DGKH: variants seen among roughly 807,000 people sequenced by gnomAD.
The protein encoded by DGKH is diacylglycerol kinase eta, also known as DAG kinase eta.
A neutral mutation model predicts 159.3 loss-of-function variants in DGKH; 90 were observed. The observed-to-expected ratio is 0.57, with a 90% CI of 0.48 to 0.67. The LOEUF (loss-of-function observed/expected upper bound fraction) is 0.67. Among genes scored for constraint, DGKH ranks in the 30% least tolerant of loss-of-function variants. The pLI, the probability that DGKH is intolerant of heterozygous loss-of-function variation, is 0.00. For missense variants in DGKH, 1,181 were observed against 1,506.1 expected (o/e 0.78, Z 3.57); for synonymous variants, 536 against 553.8 (o/e 0.97, Z 0.45).
intron 1 of DGKH, among the ~76,000 whole-genome samples, chr13:42,119,983 G>T (rs1955037216): frequency 6.6e-6 from 1 of 152,008 alleles, no homozygotes; most frequent in Non-Finnish European, 1.5e-5. Context: ...TTCTACTGTG[G>T]TTATATTTTC....
At chr13:42,195,163 C>A (rs1957175046) in intron 17 of DGKH, 147 bp downstream of exon 17, 3 of 1,140,080 alleles carry the variant, frequency 2.6e-6, no homozygotes, top group African/African-American at 3.2e-5. Flanking sequence ...AGAATCCAGG[C>A]CCTTAGATTC....
At chr13:42,159,931 G>A in intron 6 of DGKH, 80 bp from the exon 7 acceptor site, 4 of 1,604,130 alleles carry the variant, frequency 2.5e-6, no homozygotes, top group Non-Finnish European at 3.4e-6. Flanking sequence ...TCTAGAGTGA[G>A]AAATGATTCA....
chr13:42,045,846 C>G (rs1880767032), upstream of DGKH, among the ~76,000 whole-genome samples: 1 of 152,166 alleles, frequency 6.6e-6, no homozygotes, highest in South Asian at 2.1e-4. Flanking sequence ...GGGTATAAAA[C>G]CCCTTTTGTT....
intron 28 of DGKH, 120 bp from the exon 29 acceptor site, chr13:42,221,144 A>G (rs1957960303): frequency 7.6e-7 from 1 of 1,319,352 alleles, no homozygotes; most frequent in Non-Finnish European, 1.0e-6. Context: ...CAACACCTTT[A>G]ACCTTTTCTT....
In DGKH at chr13:42,181,205, A is replaced by T. The variant is rs371776060; in HGVS notation, c.1538+2985A>T. On this transcript the variant is annotated intron_variant, in intron 13 of 29. Coordinates refer to ENST00000337343, the MANE Select transcript of DGKH (RefSeq NM_178009.5). ...GGCAGGAGAATGGCGTGAACCCGGGAGGCGGAGCTTGCAGTGAGCGGAGAT... is the reference window on the plus strand; with the variant it reads ...GGCAGGAGAATGGCGTGAACCCGGGTGGCGGAGCTTGCAGTGAGCGGAGAT... Among the ~76,000 whole-genome samples the T allele has an allele frequency of 1.9e-4, 26 of 136,528 alleles. No individual in the cohort carries two copies. The East Asian group carries it at 6.3e-3, about 33-fold the overall frequency. 89.6% of individuals were successfully genotyped at this position (136,528 alleles called of 152,430 possible). A position where few individuals can be genotyped will look rare whatever the true frequency, so the allele number is the denominator to read the frequency against.
At chr13:42,210,092 G>A (rs756640341) in intron 23 of DGKH, among the ~76,000 whole-genome samples, 2 of 144,668 alleles carry the variant, frequency 1.4e-5, no homozygotes, top group Non-Finnish European at 3.0e-5. Context: ...GCTAATATTT[G>A]CCCATCTAGT....
At chr13:42,244,052 G>GA (rs1273775690), downstream of DGKH, among the ~76,000 whole-genome samples, 1 of 121,358 alleles carries the variant, frequency 8.2e-6, no homozygotes, top group African/African-American at 3.5e-5. Flanking sequence ...GTGGATGGAT[G>GA]AGGGGAGAGA....
chr13:42,177,760 T>C (rs537048415), intron 12 of DGKH, among the ~76,000 whole-genome samples: 1 of 152,308 alleles, frequency 6.6e-6, no homozygotes, highest in Middle Eastern at 3.4e-3. Flanking sequence ...GGATATGTTT[T>C]CATCGGTTTA....
intron 11 of DGKH, among the ~76,000 whole-genome samples, chr13:42,172,368 T>C (rs983093270): frequency 6.6e-6 from 1 of 152,230 alleles, no homozygotes; most frequent in Non-Finnish European, 1.5e-5. Context: ...TCTGCCCGCC[T>C]CAGCCTCCCA....
upstream of DGKH, among the ~76,000 whole-genome samples, chr13:42,048,154 C>G (rs1359291610): frequency 6.6e-6 from 1 of 152,026 alleles, no homozygotes; most frequent in African/African-American, 2.4e-5. The surrounding 1 kb of genome is among the most constrained non-coding windows in gnomAD (Gnocchi z 6.7). Flanking sequence ...GGGGCAGCCC[C>G]CGACTGTCTT....
chr13:42,142,335 C>T (rs914988036), intron 3 of DGKH, among the ~76,000 whole-genome samples: 6 of 151,956 alleles, frequency 3.9e-5, no homozygotes, highest in African/African-American at 1.4e-4. Context: ...AGCGTGATGC[C>T]TCCAGCTTTG....
At chr13:42,085,241 A>G (rs1461771774) in intron 1 of DGKH, among the ~76,000 whole-genome samples, 4 of 152,182 alleles carry the variant, frequency 2.6e-5, no homozygotes, top group African/African-American at 9.6e-5. Context: ...TATGTAAATC[A>G]TAATTAATGT....
Position 42,165,286 on chromosome 13 carries a change from A to G in DGKH, c.856-45A>G, listed in dbSNP as rs560151754. On this transcript the variant is annotated intron_variant, in intron 7 of 29. Transcript: ENST00000337343. ...CCTTAGATGTGATTTATAATGGCAGAACATTATTTTTATGATTCTTGAAGG... is the reference window on the plus strand; with the variant it reads ...CCTTAGATGTGATTTATAATGGCAGGACATTATTTTTATGATTCTTGAAGG... 2.0e-5 allele frequency: 21 copies of G among 1,065,258 alleles called. No homozygotes were observed. In the South Asian group the frequency reaches 3.7e-4, roughly 19 times the overall value. 66.0% of individuals were successfully genotyped at this position (1,065,258 alleles called of 1,614,324 possible).
At position 42,189,208 on chromosome 13, in the gene DGKH, C is replaced by A; in HGVS notation, c.1811C>A (p.Thr604Lys). ...ESKEQLGDDV[T>K]KPSSQKAVKP... ...AAAGAGCAGCTTGGGGATGACGTTACAAAACCTTCCTCCCAGAAAGCCGTC... is the reference window on the plus strand; with the variant it reads ...AAAGAGCAGCTTGGGGATGACGTTAAAAAACCTTCCTCCCAGAAAGCCGTC... Residue 604 changes from threonine (T) to lysine (K), a missense_variant, in exon 15 of 30, where the codon ACA (threonine) becomes AAA (lysine). Thr to Lys is a moderately conservative substitution (Grantham distance 78). This residue lies in a region of DGKH where 257 missense variants were observed against 281.5 expected (regional missense o/e 0.91). Transcript: ENST00000337343. 1 of 1,614,194 alleles carries A rather than the reference C, an allele frequency of 6.2e-7. No individual in the cohort carries two copies. Among genetic ancestry groups the A allele is most frequent in the Non-Finnish European group, 8.5e-7 (1 of 1,180,038 alleles).
At chr13:42,208,911 C>G in intron 21 of DGKH, 48 bp from the exon 22 acceptor site, 1 of 1,304,102 alleles carries the variant, frequency 7.7e-7, no homozygotes, top group Non-Finnish European at 1.1e-6. Context: ...GCTTAACGTG[C>G]TCTTCACCTA....
intron 1 of DGKH, among the ~76,000 whole-genome samples, chr13:42,110,123 A>G (rs1954833942): frequency 6.6e-6 from 1 of 152,176 alleles, no homozygotes; most frequent in Non-Finnish European, 1.5e-5. Flanking sequence ...ATTCCAGAAA[A>G]TAAGCAGATC....
chr13:42,215,397 T>C (rs1445282885), intron 25 of DGKH, among the ~76,000 whole-genome samples, 178 bp from the exon 26 acceptor site: 3 of 152,166 alleles, frequency 2.0e-5, no homozygotes, highest in Admixed American at 2.0e-4. Context: ...TGTTCTGTAA[T>C]ATAATAATAA....
intron 1 of DGKH, among the ~76,000 whole-genome samples, chr13:42,090,873 A>G (rs1156619759): frequency 6.6e-6 from 1 of 152,046 alleles, no homozygotes; most frequent in Non-Finnish European, 1.5e-5. Context: ...ATAGGGTTTG[A>G]GGGAATGGGT....
intron 17 of DGKH, among the ~76,000 whole-genome samples, chr13:42,197,125 C>G (rs780678807): frequency 4.0e-5 from 6 of 151,782 alleles, no homozygotes; most frequent in Non-Finnish European, 5.9e-5. Flanking sequence ...TGGCTCACCC[C>G]TTTAATCCCA....
Sources: gnomAD v4.1 joint callset for allele counts (sites outside exome capture counted in the v4.1 genomes callset) on GRCh38, gnomAD v4.1.1 for gene constraint, gnomAD v4.1.1 regional missense constraint, Gnocchi (gnomAD v3.1) non-coding constraint, MANE v1.5 for transcripts, NCBI Gene and HGNC (gene_info 2026-07-23, HGNC 2026-07-21) for gene names.